Variants in TNR observed in about 807,000 individuals in gnomAD.
The protein encoded by TNR is tenascin-R.
TNR carries 45 observed loss-of-function variants against 150.4 expected under a neutral mutation model. The observed-to-expected ratio is 0.30, with a 90% CI of 0.24 to 0.38. The LOEUF is 0.38. TNR is among the 10% of genes least tolerant of loss of function. The probability of loss-of-function intolerance (pLI) is 1.00; values close to 1 mark genes in which losing one functional copy is unlikely to be tolerated. For synonymous variants in TNR, 687 were observed against 678.4 expected, an observed-to-expected ratio of 1.01 and a Z score of -0.20; for missense variants, 1,544 against 1,759.1, an observed-to-expected ratio of 0.88 and a Z score of 2.19.
At chr1:175,639,413 T>G (rs1181654942) in intron 1 of TNR, among the ~76,000 whole-genome samples, 1 of 152,232 alleles carries the variant, frequency 6.6e-6, no homozygotes, top group Non-Finnish European at 1.5e-5. Flanking sequence ...TAAATACCCC[T>G]AAGGAAAATC....
At chr1:175,517,565 A>T (rs562626723) in intron 2 of TNR, among the ~76,000 whole-genome samples, 3 of 152,316 alleles carry the variant, frequency 2.0e-5, no homozygotes, top group South Asian at 2.1e-4. Context: ...GGAATTTTTT[A>T]AAATACAGAT....
At chr1:175,384,896 T>G (rs1652851489) in intron 8 of TNR, among the ~76,000 whole-genome samples, 2 of 152,260 alleles carry the variant, frequency 1.3e-5, no homozygotes, top group South Asian at 2.1e-4. Flanking sequence ...TTTCCCTTAT[T>G]TATCAATTGA....
intron 2 of TNR, among the ~76,000 whole-genome samples, chr1:175,510,307 T>G (rs1401207008): frequency 2.6e-5 from 4 of 152,120 alleles, no homozygotes; most frequent in African/African-American, 9.7e-5. Flanking sequence ...GTCTGTAAAT[T>G]ACATCCTCAT....
chr1:175,419,112 A>C (rs1213931798), intron 2 of TNR, among the ~76,000 whole-genome samples: 1 of 152,186 alleles, frequency 6.6e-6, no homozygotes, highest in East Asian at 1.9e-4. Context: ...CAGGGTACAT[A>C]ATTTCTTAAA....
chr1:175,355,184 G>T (rs933561989), intron 17 of TNR, among the ~76,000 whole-genome samples: 1 of 152,206 alleles, frequency 6.6e-6, no homozygotes. Flanking sequence ...GGAAGCACCA[G>T]CACAACCCAG....
intron 1 of TNR, among the ~76,000 whole-genome samples, chr1:175,727,373 T>C (rs931255797): frequency 6.6e-6 from 1 of 152,194 alleles, no homozygotes; most frequent in African/African-American, 2.4e-5. Context: ...TTTGGTGAGA[T>C]TAAGTTCACT....
At chr1:175,339,916 A>G (rs73036242) in intron 18 of TNR, among the ~76,000 whole-genome samples, 3,160 of 152,310 alleles carry the variant, frequency 0.021, 113 homozygotes, top group African/African-American at 0.073. Flanking sequence ...GATTGATTTA[A>G]TATTTATATT....
chr1:175,631,064 G>A (rs779440508), intron 1 of TNR, among the ~76,000 whole-genome samples: 9 of 152,148 alleles, frequency 5.9e-5, no homozygotes, highest in African/African-American at 1.7e-4. Context: ...AAATTTCAAC[G>A]GCGCAATCTT....
At chr1:175,537,701 T>C (rs1660346058) in intron 1 of TNR, among the ~76,000 whole-genome samples, 1 of 152,206 alleles carries the variant, frequency 6.6e-6, no homozygotes, top group Non-Finnish European at 1.5e-5. Context: ...GGTTGGGCTG[T>C]GAGCCAAAAC....
intron 1 of TNR, among the ~76,000 whole-genome samples, chr1:175,628,672 A>T (rs563702677): frequency 6.6e-6 from 1 of 152,130 alleles, no homozygotes; most frequent in African/African-American, 2.4e-5. Context: ...GCTGAGGAGC[A>T]GGGACAGACA....
intron 2 of TNR, among the ~76,000 whole-genome samples, chr1:175,442,356 T>C (rs1477151355): frequency 6.6e-6 from 1 of 152,012 alleles, no homozygotes; most frequent in Non-Finnish European, 1.5e-5. Context: ...GGGGCTTAAG[T>C]AGGAGCAAGA....
At chr1:175,441,252 G>A (rs976721555) in intron 2 of TNR, among the ~76,000 whole-genome samples, 5 of 152,208 alleles carry the variant, frequency 3.3e-5, no homozygotes, top group Middle Eastern at 6.8e-3. Context: ...TGTCTGTCTT[G>A]GAGGTGTAAT....
At chr1:175,474,007 T>C (rs1432271700) in intron 2 of TNR, among the ~76,000 whole-genome samples, 1 of 152,132 alleles carries the variant, frequency 6.6e-6, no homozygotes, top group Non-Finnish European at 1.5e-5. Flanking sequence ...ATTTTAGGAA[T>C]CATACACACA....
In TNR at chr1:175,623,553, C is replaced by T. The variant is rs528747405; in HGVS notation, c.-164-95184G>A. 1.1e-4 allele frequency among the ~76,000 whole-genome samples: 17 copies of T among 152,316 alleles called. 1 individual carries two copies. Among genetic ancestry groups the T allele is most frequent in the African/African-American group, 3.4e-4 (14 of 41,568 alleles). Reference sequence around the variant, plus strand: ...ACATTGCTTTTCATTCCACATCAAGCCCCGTGGGACACCCACACTAACCTC... The same window carrying T: ...ACATTGCTTTTCATTCCACATCAAGTCCCGTGGGACACCCACACTAACCTC... On this transcript the variant is annotated intron_variant, in intron 1 of 22. Coordinates refer to ENST00000367674, the MANE Select transcript of TNR (RefSeq NM_003285.3).
intron 1 of TNR, among the ~76,000 whole-genome samples, chr1:175,533,938 A>G (rs1660170147): frequency 6.6e-6 from 1 of 152,170 alleles, no homozygotes; most frequent in African/African-American, 2.4e-5. Flanking sequence ...TACCAGCAGC[A>G]TTTTATTAAC....
intron 9 of TNR, among the ~76,000 whole-genome samples, chr1:175,370,592 T>G (rs532485347): frequency 6.6e-6 from 1 of 152,192 alleles, no homozygotes; most frequent in African/African-American, 2.4e-5. Flanking sequence ...CCTGATCCAT[T>G]TGAAGCACAC....
intron 2 of TNR, among the ~76,000 whole-genome samples, chr1:175,426,660 C>G (rs1471683018): frequency 1.3e-5 from 2 of 151,556 alleles, no homozygotes; most frequent in Non-Finnish European, 2.9e-5. Context: ...TGTTCAAGCA[C>G]TTTTACTCTA....
At chr1:175,374,623 G>C (rs1022782705) in intron 9 of TNR, among the ~76,000 whole-genome samples, 7 of 152,178 alleles carry the variant, frequency 4.6e-5, no homozygotes, top group Non-Finnish European at 8.8e-5. Context: ...GTCCTATGTT[G>C]TATCACATCT....
At chr1:175,374,569 G>A (rs1368294901) in intron 9 of TNR, among the ~76,000 whole-genome samples, 1 of 152,172 alleles carries the variant, frequency 6.6e-6, no homozygotes. Context: ...TGGTGAGTGT[G>A]AGTGCATCAT....
Sources: gnomAD v4.1 joint callset for allele counts (sites outside exome capture counted in the v4.1 genomes callset) on GRCh38, gnomAD v4.1.1 for gene constraint, MANE v1.5 for transcripts, NCBI Gene and HGNC (gene_info 2026-07-23, HGNC 2026-07-21) for gene names.